The following ACVR1B variants were observed in gnomAD, a reference collection of about 807,000 sequenced individuals.
ACVR1B encodes the protein activin A receptor type 1B.
In ACVR1B, 15 loss-of-function variants were observed where a neutral mutation model predicts 55.6. The observed-to-expected ratio is 0.27, with a 90% CI of 0.18 to 0.42. The LOEUF (loss-of-function observed/expected upper bound fraction) is 0.42, where lower values mean the gene tolerates loss of function less well. Among genes scored for constraint, ACVR1B ranks in the 10% least tolerant of loss-of-function variants. The pLI is 1.00. For synonymous variants in ACVR1B, 247 were observed against 254.6 expected, an observed-to-expected ratio of 0.97 and a Z score of 0.28; for missense variants, 359 against 670.1, an observed-to-expected ratio of 0.54 and a Z score of 5.13.
intron 1 of ACVR1B, among the ~76,000 whole-genome samples, chr12:51,965,951 A>ATG (rs546205193): frequency 6.7e-4 from 102 of 152,222 alleles, no homozygotes; most frequent in Non-Finnish European, 1.1e-3. Context: ...TAGACTAAAG[A>ATG]TGTGTGTGTG....
chr12:51,980,080 G>C (rs942465010), intron 3 of ACVR1B, among the ~76,000 whole-genome samples: 1 of 152,096 alleles, frequency 6.6e-6, no homozygotes, highest in African/African-American at 2.4e-5. Flanking sequence ...GTATGAATTT[G>C]AATATTACAT....
intron 1 of ACVR1B, among the ~76,000 whole-genome samples, chr12:51,973,139 C>A (rs1386045229): frequency 6.6e-6 from 1 of 152,172 alleles, no homozygotes; most frequent in Non-Finnish European, 1.5e-5. Flanking sequence ...AGGTTGTGAA[C>A]TAACGAAATA....
At chr12:51,953,527 A>T (rs779181691) in intron 1 of ACVR1B, 5 of 983,326 alleles carry the variant, frequency 5.1e-6, no homozygotes, top group Non-Finnish European at 6.0e-6. Flanking sequence ...ATGAATAAGG[A>T]TGTTCGTCGG....
At chr12:51,961,373 ATGT>A (rs200732458) in intron 1 of ACVR1B, among the ~76,000 whole-genome samples, 2,539 of 152,262 alleles carry the variant, frequency 0.017, 34 homozygotes, top group Middle Eastern at 0.065. Flanking sequence ...TTTTGCTCTA[ATGT>A]TATTATAATC....
At position 51,993,220 on chromosome 12, in the gene ACVR1B, G is replaced by A. The variant is rs1414730509; in HGVS notation, c.1393-765G>A. Among the ~76,000 whole-genome samples, 5 of 152,182 alleles carry A rather than the reference G, an allele frequency of 3.3e-5. No individual in the cohort carries two copies. The East Asian group carries it at 9.6e-4, about 29-fold the overall frequency. The stretch of plus-strand genomic sequence containing the variant: ...TCTAGTCACCTTGCCGTCCATTAGA[G>A]CCCCAGAACTTACCTAGTCAAGTAG... On this transcript the variant is annotated intron_variant, in intron 8 of 8. Transcript: ENST00000257963.
At chr12:51,963,689 A>G (rs536154543) in intron 1 of ACVR1B, among the ~76,000 whole-genome samples, 1 of 152,298 alleles carries the variant, frequency 6.6e-6, no homozygotes, top group South Asian at 2.1e-4. Context: ...TTCATTCATC[A>G]TTTGATGGAC....
At chr12:51,975,594 G>C in intron 2 of ACVR1B, 90 bp downstream of exon 2, 1 of 1,492,206 alleles carries the variant, frequency 6.7e-7, no homozygotes, top group South Asian at 1.3e-5. Context: ...CCACTCACTT[G>C]GTTTGACGAT....
chr12:51,964,947 T>TG (rs1289172900), intron 1 of ACVR1B, among the ~76,000 whole-genome samples: 2 of 152,210 alleles, frequency 1.3e-5, no homozygotes, highest in East Asian at 3.9e-4. Flanking sequence ...CAGGGTCACT[T>TG]GCAATTCCAT....
At chr12:51,957,018 C>G (rs1021479795) in intron 1 of ACVR1B, among the ~76,000 whole-genome samples, 22 of 152,004 alleles carry the variant, frequency 1.4e-4, no homozygotes, top group Admixed American at 3.9e-4. Flanking sequence ...ATCCACTCAC[C>G]TGGGCTTCAC....
chr12:51,986,726 T>A, intron 6 of ACVR1B, 92 bp from the exon 7 acceptor site: 1 of 1,512,974 alleles, frequency 6.6e-7, no homozygotes, highest in South Asian at 1.3e-5. Context: ...GTGATACTCT[T>A]CCACATTCAG....
At chr12:51,967,058 G>T (rs542170971) in intron 1 of ACVR1B, among the ~76,000 whole-genome samples, 1 of 151,866 alleles carries the variant, frequency 6.6e-6, no homozygotes, top group African/African-American at 2.4e-5. Flanking sequence ...GGCTAACATG[G>T]TGAAACCCCG....
chr12:51,966,154 T>C (rs1242154912), intron 1 of ACVR1B, among the ~76,000 whole-genome samples: 1 of 152,158 alleles, frequency 6.6e-6, no homozygotes, highest in Non-Finnish European at 1.5e-5. Flanking sequence ...AGGGATGGTA[T>C]TCATCACTTG....
At chr12:51,961,878 T>C (rs536474951) in intron 1 of ACVR1B, among the ~76,000 whole-genome samples, 18 of 152,202 alleles carry the variant, frequency 1.2e-4, no homozygotes, top group Non-Finnish European at 1.8e-4. Flanking sequence ...CCCAGGAACA[T>C]TGGACACACT....
At position 51,951,848 on chromosome 12, in the gene ACVR1B, C is replaced by CG; in HGVS notation, c.91+20dup. 8.0e-7 allele frequency: 1 copy of CG among 1,253,708 alleles called. No homozygotes were observed. Among genetic ancestry groups the CG allele is most frequent in the Non-Finnish European group, 1.0e-6 (1 of 989,122 alleles). 77.7% of individuals were successfully genotyped at this position (1,253,708 alleles called of 1,614,324 possible). A position where few individuals can be genotyped will look rare whatever the true frequency, so the allele number is the denominator to read the frequency against. On this transcript the variant is annotated intron_variant, in intron 1 of 8. Coordinates refer to ENST00000257963, the MANE Select transcript of ACVR1B (RefSeq NM_004302.5). ...GGGGGGTCCAGGGTGAGTCCTGGGA[C>CG]GGGGGGCGGGGGCCGGGATGGAGAG...
In ACVR1B at chr12:51,953,524, A is replaced by C. The variant is rs113610098; in HGVS notation, c.91+1690A>C. The C allele has an allele frequency of 3.0e-6, 3 of 984,930 alleles. No homozygotes were observed. In the Admixed American group the frequency reaches 1.9e-4, roughly 61 times the overall value. 61.0% of individuals were successfully genotyped at this position (984,930 alleles called of 1,614,324 possible). On this transcript the variant is annotated intron_variant, in intron 1 of 8. Coordinates refer to ENST00000257963, the MANE Select transcript of ACVR1B (RefSeq NM_004302.5). ...GGTGAGATAATGATTTGCATGAATA[A>C]GGATGTTCGTCGGGCCTTATTAAGG...
At chr12:51,966,594 A>G (rs920380344) in intron 1 of ACVR1B, among the ~76,000 whole-genome samples, 1 of 152,144 alleles carries the variant, frequency 6.6e-6, no homozygotes, top group African/African-American at 2.4e-5. Context: ...GACGACAGGC[A>G]TGTGCCACCA....
Position 51,984,020 on chromosome 12 carries a change from T to C in ACVR1B, c.833T>C (p.Leu278Pro). 1 of 1,614,228 alleles carries C rather than the reference T, an allele frequency of 6.2e-7. No homozygotes were observed. The highest frequency in any genetic ancestry group is 8.5e-7 in the Non-Finnish European group (1 of 1,180,044). Residue 278 changes from leucine to proline, a missense_variant, in exon 5 of 9, where the codon CTG becomes CCG. This residue lies in a region of ACVR1B where 119 missense variants were observed against 340.2 expected (regional missense o/e 0.35). Transcript: ENST00000257963. ...DNKDNGTWTQ[L>P]WLVSDYHEHG... is the part of the protein sequence containing the mutation. Reference sequence around the variant, plus strand: ...GCAGATAATGGCACCTGGACACAGCTGTGGCTTGTTTCTGACTATCATGAG... The same window carrying C: ...GCAGATAATGGCACCTGGACACAGCCGTGGCTTGTTTCTGACTATCATGAG...
rs1344145518 is a variant in ACVR1B, at chr12:51,951,994, C to G, written c.91+160C>G. ...GTCGGGGTGACCCCCAGTCAGCTTC[C>G]CCGATCTCCGAGGCGCAGCCGCCCG... is the stretch of plus-strand genomic sequence containing the variant. On this transcript the variant is annotated intron_variant, in intron 1 of 8. Coordinates refer to ENST00000257963, the MANE Select transcript of ACVR1B (RefSeq NM_004302.5). Among the ~76,000 whole-genome samples, 3 of 151,988 alleles carry G rather than the reference C, an allele frequency of 2.0e-5. No homozygotes were observed. In the East Asian group the frequency reaches 5.9e-4, roughly 30 times the overall value.
In ACVR1B at chr12:51,961,534, A is replaced by G. The variant is rs139613396; in HGVS notation, c.91+9700A>G. 4.0e-3 allele frequency among the ~76,000 whole-genome samples: 612 copies of G among 152,120 alleles called. 1 individual carries two copies. The highest frequency in any genetic ancestry group is 0.014 in the African/African-American group (561 of 41,470). On this transcript the variant is annotated intron_variant, in intron 1 of 8. Transcript: ENST00000257963. ...ATTTTATTCCAGCCAAATGAACTTG[A>G]TCTCTCAACCTCATTAGTTTTATTC... is the stretch of plus-strand genomic sequence containing the variant.
Sources: gnomAD v4.1 joint callset for allele counts (sites outside exome capture counted in the v4.1 genomes callset) on GRCh38, gnomAD v4.1.1 for gene constraint, gnomAD v4.1.1 regional missense constraint, MANE v1.5 for transcripts, NCBI Gene and HGNC (gene_info 2026-07-23, HGNC 2026-07-21) for gene names.